CADPS2: variants seen among roughly 807,000 people sequenced by gnomAD.
CADPS2 encodes the protein calcium dependent secretion activator 2, also known as calcium-dependent secretion activator 2.
In CADPS2, 93 loss-of-function variants were observed where a neutral mutation model predicts 172.5. The observed-to-expected ratio is 0.54, with a 90% CI of 0.46 to 0.64. The LOEUF is 0.64. Among genes scored for constraint, CADPS2 ranks in the 30% least tolerant of loss-of-function variants. The pLI is 0.00. For synonymous variants in CADPS2, 546 were observed against 555.2 expected, an observed-to-expected ratio of 0.98 and a Z score of 0.23; for missense variants, 1,420 against 1,565.9, an observed-to-expected ratio of 0.91 and a Z score of 1.57.
intron 17 of CADPS2, among the ~76,000 whole-genome samples, chr7:122,425,218 T>C (rs2049002580): frequency 6.6e-6 from 1 of 151,894 alleles, no homozygotes; most frequent in Non-Finnish European, 1.5e-5. Flanking sequence ...TGAGCTCAAG[T>C]GATCCATCTT....
At chr7:122,613,464 C>G (rs2074527132) in intron 6 of CADPS2, among the ~76,000 whole-genome samples, 1 of 151,936 alleles carries the variant, frequency 6.6e-6, no homozygotes, top group Admixed American at 6.6e-5. Context: ...ATATTTATAC[C>G]ATATCAGCTT....
At chr7:122,724,420 G>A (rs80248385) in intron 2 of CADPS2, among the ~76,000 whole-genome samples, 151 of 152,122 alleles carry the variant, frequency 9.9e-4, no homozygotes, top group African/African-American at 3.4e-3. Flanking sequence ...CTCTGAAGCA[G>A]CTTATAATTA....
At chr7:122,450,842 A>G (rs972219438) in intron 15 of CADPS2, among the ~76,000 whole-genome samples, 1 of 152,096 alleles carries the variant, frequency 6.6e-6, no homozygotes, top group African/African-American at 2.4e-5. Flanking sequence ...GCTGATAGCT[A>G]ATTTTTTGAG....
chr7:122,415,950 TA>T, intron 18 of CADPS2, 110 bp downstream of exon 18: 1 of 541,600 alleles, frequency 1.8e-6, no homozygotes, highest in East Asian at 2.8e-5. Context: ...GCTTATTCGT[TA>T]AATGTTCAGA....
At chr7:122,330,688 C>T (rs1374577748) in intron 28 of CADPS2, 1 of 152,110 alleles carries the variant, frequency 6.6e-6, no homozygotes, top group East Asian at 1.9e-4. Flanking sequence ...AGTGTTTAAC[C>T]CAACCTATGC....
chr7:122,519,858 A>G (rs548112042), intron 8 of CADPS2, among the ~76,000 whole-genome samples: 17 of 143,212 alleles, frequency 1.2e-4, no homozygotes, highest in Admixed American at 1.1e-3. Context: ...GTATTTGCCT[A>G]ATTGATTTTT....
intron 8 of CADPS2, among the ~76,000 whole-genome samples, chr7:122,547,839 C>T (rs558297769): frequency 5.0e-4 from 76 of 152,248 alleles, no homozygotes; most frequent in African/African-American, 1.7e-3. Flanking sequence ...TGATAAGAGA[C>T]AGAAGAAACA....
At chr7:122,691,403 T>C (rs570608159) in intron 2 of CADPS2, among the ~76,000 whole-genome samples, 27 of 152,348 alleles carry the variant, frequency 1.8e-4, no homozygotes, top group South Asian at 1.2e-3. Context: ...TGCACTGCTA[T>C]AGGCCCTAGC....
chr7:122,353,207 G>C (rs1203251273), intron 27 of CADPS2, among the ~76,000 whole-genome samples: 1 of 152,142 alleles, frequency 6.6e-6, no homozygotes, highest in East Asian at 1.9e-4. Context: ...CAAACAGCTA[G>C]ATAGGAGCAA....
chr7:122,671,988 G>A (rs796219975), intron 2 of CADPS2, among the ~76,000 whole-genome samples: 4 of 152,156 alleles, frequency 2.6e-5, no homozygotes, highest in African/African-American at 9.7e-5. Context: ...ATATGAAAAG[G>A]GGAGGAAAGG....
At chr7:122,838,445 G>A (rs1239939624) in intron 1 of CADPS2, among the ~76,000 whole-genome samples, 15 of 152,038 alleles carry the variant, frequency 9.9e-5, no homozygotes, top group Middle Eastern at 3.2e-3. Context: ...TAGGCAGGAG[G>A]AAGAAAGAAA....
At chr7:122,327,693 T>C (rs774219205) in intron 28 of CADPS2, among the ~76,000 whole-genome samples, 15 of 151,964 alleles carry the variant, frequency 9.9e-5, no homozygotes, top group Non-Finnish European at 2.1e-4. Flanking sequence ...AAAAGACATA[T>C]AATGTAACAC....
chr7:122,759,023 C>T (rs926490295), intron 1 of CADPS2, among the ~76,000 whole-genome samples: 2 of 151,296 alleles, frequency 1.3e-5, no homozygotes, highest in African/African-American at 2.4e-5. Flanking sequence ...AATTAAAGGT[C>T]CTTAAAGGAA....
intron 1 of CADPS2, among the ~76,000 whole-genome samples, chr7:122,833,332 T>C (rs1037435251): frequency 6.6e-6 from 1 of 152,168 alleles, no homozygotes; most frequent in African/African-American, 2.4e-5. Flanking sequence ...TAAATTGATA[T>C]GTACCATGCT....
intron 2 of CADPS2, among the ~76,000 whole-genome samples, chr7:122,680,663 G>A (rs950868274): frequency 3.3e-5 from 5 of 152,174 alleles, no homozygotes; most frequent in Non-Finnish European, 7.3e-5. Context: ...GCAGTGGGTC[G>A]GGATAATGCC....
intron 7 of CADPS2, among the ~76,000 whole-genome samples, chr7:122,576,921 G>A (rs2132705833): frequency 6.6e-6 from 1 of 151,962 alleles, no homozygotes; most frequent in African/African-American, 2.4e-5. Context: ...CACCACGCCT[G>A]GATAATTTTT....
At chr7:122,770,091 A>G (rs373395567) in intron 1 of CADPS2, among the ~76,000 whole-genome samples, 48 of 152,320 alleles carry the variant, frequency 3.2e-4, no homozygotes, top group African/African-American at 1.1e-3. Flanking sequence ...AACATCAACT[A>G]TAACTGAGGG....
At chr7:122,632,701 TA>T (rs1199070024) in intron 3 of CADPS2, among the ~76,000 whole-genome samples, 101 of 152,350 alleles carry the variant, frequency 6.6e-4, no homozygotes, top group African/African-American at 2.4e-3. Context: ...TTAGATTAAT[TA>T]GGTCCCACTT....
chr7:122,419,622 C>T (rs1395001051), intron 17 of CADPS2, among the ~76,000 whole-genome samples: 1 of 152,066 alleles, frequency 6.6e-6, no homozygotes, highest in Non-Finnish European at 1.5e-5. Context: ...TGTCTATAAA[C>T]CAAACAGATG....
Sources: gnomAD v4.1 joint callset for allele counts (sites outside exome capture counted in the v4.1 genomes callset) on GRCh38, gnomAD v4.1.1 for gene constraint, MANE v1.5 for transcripts, NCBI Gene and HGNC (gene_info 2026-07-23, HGNC 2026-07-21) for gene names.